MTA1: variants seen among roughly 807,000 people sequenced by gnomAD.
The protein encoded by MTA1 is metastasis-associated protein MTA1.
In MTA1, 15 loss-of-function variants were observed where a neutral mutation model predicts 97.0. The observed-to-expected ratio is 0.15, with a 90% confidence interval of 0.10 to 0.24. The LOEUF (loss-of-function observed/expected upper bound fraction) is 0.24. MTA1 is among the 10% of genes least tolerant of loss of function. The pLI is 1.00. For synonymous variants in MTA1, 435 were observed against 417.5 expected, an observed-to-expected ratio of 1.04 and a Z score of -0.51; for missense variants, 709 against 1,015.1, an observed-to-expected ratio of 0.70 and a Z score of 4.10.
chr14:105,441,646 T>C lies in MTA1; in HGVS notation c.96+2907T>C, dbSNP rs1281103675. Reference sequence around the variant, plus strand: ...CGTCTCTACTAAAAATACAAAAAATTAGCCGGGCGTGGTGGCGGGCGCCTG... The same window carrying C: ...CGTCTCTACTAAAAATACAAAAAATCAGCCGGGCGTGGTGGCGGGCGCCTG... On this transcript the variant is annotated intron_variant, in intron 2 of 20. Transcript: ENST00000331320. 1.1e-4 allele frequency among the ~76,000 whole-genome samples: 16 copies of C among 152,092 alleles called. 1 individual carries two copies. Among genetic ancestry groups the C allele is most frequent in the Admixed American group, 6.5e-4 (10 of 15,288 alleles).
intron 7 of MTA1, among the ~76,000 whole-genome samples, chr14:105,457,544 C>T (rs1378786611): frequency 7.2e-5 from 11 of 152,240 alleles, no homozygotes; most frequent in African/African-American, 2.2e-4. Flanking sequence ...GGAGCCTGTG[C>T]CCCCAGAAGG....
chr14:105,453,301 G>A (rs185269168), intron 6 of MTA1, among the ~76,000 whole-genome samples: 1 of 152,384 alleles, frequency 6.6e-6, no homozygotes, highest in East Asian at 1.9e-4. Context: ...CCTGATTTCT[G>A]TTGCTCTTAA....
chr14:105,429,752 C>CCTTTT (rs1349946234), intron 1 of MTA1, among the ~76,000 whole-genome samples: 1 of 50,570 alleles, frequency 2.0e-5, no homozygotes, highest in African/African-American at 9.0e-5. Flanking sequence ...TGCGCCCGGC[C>CCTTTT]TTTTTTTTTT....
intron 6 of MTA1, 74 bp from the exon 7 acceptor site, chr14:105,454,119 G>T: frequency 8.7e-7 from 1 of 1,151,082 alleles, no homozygotes. Flanking sequence ...CAGCCCGGCC[G>T]TGCTGACGCC....
chr14:105,463,081 C>G lies in MTA1; in HGVS notation c.943-103C>G. The G allele has an allele frequency of 2.5e-6, 3 of 1,182,676 alleles. No homozygotes were observed. Among genetic ancestry groups the G allele is most frequent in the Non-Finnish European group, 3.7e-6 (3 of 814,524 alleles). The allele number at this position is 1,182,676 out of a possible 1,614,324, so 73.3% of individuals were successfully genotyped here. On this transcript the variant is annotated intron_variant, in intron 10 of 20. Transcript: ENST00000331320. This position sits in a 1 kb window ranked among gnomAD's most constrained non-coding sequence, Gnocchi z 5.9. ...CCAAGCACACCTCGCCCTCTGGCCT[C>G]CCGCCCCCTCTGTGGCCTTCTGGCC...
intron 1 of MTA1, among the ~76,000 whole-genome samples, chr14:105,434,067 C>T (rs759544293): frequency 1.3e-5 from 2 of 152,308 alleles, no homozygotes; most frequent in South Asian, 2.1e-4. Flanking sequence ...AAGTGATCTG[C>T]CCGCCTCCTG....
At chr14:105,450,019 C>T (rs781937054) in intron 4 of MTA1, 39 bp from the exon 5 acceptor site, 32 of 1,612,182 alleles carry the variant, frequency 2.0e-5, no homozygotes, top group Middle Eastern at 1.6e-4. Context: ...TGGCAGTGTG[C>T]GTCTGCCGCG....
intron 2 of MTA1, among the ~76,000 whole-genome samples, chr14:105,439,240 C>T (rs587775479): frequency 1.3e-5 from 2 of 152,346 alleles, no homozygotes; most frequent in Admixed American, 1.3e-4. Context: ...TGCCCCCAAC[C>T]CTGAGGTGTC....
chr14:105,460,277 T>A (rs2083301456), intron 8 of MTA1, 81 bp from the exon 9 acceptor site: 3 of 1,337,950 alleles, frequency 2.2e-6, no homozygotes, highest in South Asian at 2.8e-5. Context: ...TGGCCGCTGG[T>A]CCCTGGCGCC....
At chr14:105,452,506 C>T (rs2082982502) in intron 6 of MTA1, among the ~76,000 whole-genome samples, 1 of 152,222 alleles carries the variant, frequency 6.6e-6, no homozygotes, top group Admixed American at 6.5e-5. Context: ...ATAGTGAGAC[C>T]TCACCTCTAC....
rs370276289 is a variant in MTA1, at chr14:105,445,545, C to T, written c.190+34C>T. The stretch of plus-strand genomic sequence containing the variant: ...GGCCTTCCCTGGGGTGCCCGCCTGG[C>T]GGGAGGGTCGGCTGGGGAGGGCTGG... On this transcript the variant is annotated intron_variant, in intron 3 of 20. Transcript: ENST00000331320. 337 of 1,608,952 alleles carry T rather than the reference C, an allele frequency of 2.1e-4. No homozygotes were observed. The African/African-American group carries it at 3.9e-3, about 19-fold the overall frequency.
chr14:105,463,485 G>A lies in MTA1; in HGVS notation c.1018-8G>A. 1 of 1,613,138 alleles carries A rather than the reference G, an allele frequency of 6.2e-7. No individual in the cohort carries two copies. The highest frequency in any genetic ancestry group is 8.5e-7 in the Non-Finnish European group (1 of 1,179,932). On this transcript the variant is annotated splice_region_variant and splice_polypyrimidine_tract_variant and intron_variant, in intron 11 of 20. Transcript: ENST00000331320. This position sits in a 1 kb window ranked among gnomAD's most constrained non-coding sequence, Gnocchi z 5.9. ...CTGCTGACCTCTGACCTTCTCTTTT[G>A]TTTTAAGAAACGCTTGAAAGCAGCT... is the stretch of plus-strand genomic sequence containing the variant.
Position 105,464,586 on chromosome 14 carries a change from G to A in MTA1, c.1344+19G>A, listed in dbSNP as rs11845995. The A allele has an allele frequency of 0.94, 1,514,901 of 1,610,908 alleles. 731,166 individuals are homozygous for A. The highest frequency in any genetic ancestry group is 0.99 in the East Asian group (44,354 of 44,690). ...TAACATGGTAAGGGGGGGGACACCC[G>A]CCCTGCCTGCCATGAGCCTGTCGGC... On this transcript the variant is annotated intron_variant, in intron 14 of 20. Coordinates refer to ENST00000331320, the MANE Select transcript of MTA1 (RefSeq NM_004689.4).
intron 17 of MTA1, 23 bp from the exon 18 acceptor site, chr14:105,466,684 C>T (rs199776864): frequency 6.2e-7 from 1 of 1,605,176 alleles, no homozygotes; most frequent in Non-Finnish European, 8.5e-7. Flanking sequence ...TTCTCTCCCT[C>T]TCTCCCACCC....
chr14:105,450,377 C>T, intron 6 of MTA1, 53 bp downstream of exon 6: 1 of 1,567,138 alleles, frequency 6.4e-7, no homozygotes, highest in Non-Finnish European at 8.7e-7. Context: ...CCACTGTTTC[C>T]TCTACCTATG....
intron 15 of MTA1, 41 bp from the exon 16 acceptor site, chr14:105,465,053 C>T: frequency 2.0e-6 from 3 of 1,475,994 alleles, no homozygotes; most frequent in Non-Finnish European, 2.7e-6. Context: ...CCGTGCTCCC[C>T]TGGGGGTGCC....
At chr14:105,467,543 G>A (rs1163170879) in intron 18 of MTA1, 4 of 453,036 alleles carry the variant, frequency 8.8e-6, no homozygotes, top group African/African-American at 8.0e-5. Context: ...GCAGCGCAGG[G>A]TGGGCCTGAG....
Position 105,470,299 on chromosome 14 carries a change from T to C in MTA1, c.*84T>C. The C allele has an allele frequency of 8.4e-7, 1 of 1,184,884 alleles. No homozygotes were observed. Among genetic ancestry groups the C allele is most frequent in the Non-Finnish European group, 1.1e-6 (1 of 922,378 alleles). 73.4% of individuals were successfully genotyped at this position (1,184,884 alleles called of 1,614,324 possible). On this transcript the variant is annotated 3_prime_UTR_variant, in exon 21 of 21. Coordinates refer to ENST00000331320, the MANE Select transcript of MTA1 (RefSeq NM_004689.4). ...AGCCAGCCCGCCGCCCGCCCCTCAG[T>C]TTGGTAGTGCCCCACCTCCCGCCCT...
At position 105,466,569 on chromosome 14, in the gene MTA1, G is replaced by A. The variant is rs1555432904; in HGVS notation, c.1768G>A (p.Gly590Arg). 7 of 1,576,834 alleles carry A rather than the reference G, an allele frequency of 4.4e-6. No individual in the cohort carries two copies. The highest frequency in any genetic ancestry group is 1.2e-5 in the South Asian group (1 of 86,318). Residue 590 changes from glycine (G) to arginine (R), a missense_variant, in exon 17 of 21, where the codon GGG (glycine) becomes AGG (arginine). Coordinates refer to ENST00000331320, the MANE Select transcript of MTA1 (RefSeq NM_004689.4). ...CAAGCGCAGCTACGAGCAGCACAACGGGGTGGACGGTGAGTGGCCCCCCCG... is the reference window on the plus strand; with the variant it reads ...CAAGCGCAGCTACGAGCAGCACAACAGGGTGGACGGTGAGTGGCCCCCCCG... ...LGKRSYEQHN[G>R]VDGNMKKRLL...
Sources: allele counts gnomAD v4.1 joint callset (sites outside exome capture counted in the v4.1 genomes callset), GRCh38; gene constraint gnomAD v4.1.1; non-coding constraint Gnocchi (gnomAD v3.1); transcripts MANE v1.5; gene names NCBI Gene and HGNC (gene_info 2026-07-23, HGNC 2026-07-21).